ITPR2: variants seen among roughly 807,000 people sequenced by gnomAD.
The protein encoded by ITPR2 is inositol 1,4,5-trisphosphate-gated calcium channel ITPR2.
ITPR2 carries 207 observed loss-of-function variants against 317.1 expected under a neutral mutation model. That is an observed-to-expected ratio of 0.65 (90% CI 0.58 to 0.73). The LOEUF (loss-of-function observed/expected upper bound fraction) is 0.73, where lower values mean the gene tolerates loss of function less well. ITPR2 is among the 30% of genes least tolerant of loss of function. The pLI is 0.00. For synonymous variants in ITPR2, 1,156 were observed against 1,149.1 expected (o/e 1.01, Z -0.12); for missense variants, 2,613 against 3,284.0 (o/e 0.80, Z 4.99).
intron 13 of ITPR2, among the ~76,000 whole-genome samples, chr12:26,670,800 G>T (rs1425551173): frequency 6.6e-6 from 1 of 152,076 alleles, no homozygotes; most frequent in South Asian, 2.1e-4. Context: ...TAAAAACTTT[G>T]AAAAAAATTT....
At chr12:26,398,290 G>C (rs534115451) in intron 54 of ITPR2, among the ~76,000 whole-genome samples, 11 of 152,102 alleles carry the variant, frequency 7.2e-5, no homozygotes, top group Non-Finnish European at 1.2e-4. Context: ...AGGTGTGGTG[G>C]TACATGCCTG....
rs150831947 is a variant in ITPR2, at chr12:26,386,758, T to C, written c.7857+676A>G. Among the ~76,000 whole-genome samples, 96 of 152,330 alleles carry C rather than the reference T, an allele frequency of 6.3e-4. 2 individuals carry two copies. Among genetic ancestry groups the C allele is most frequent in the Middle Eastern group, 6.8e-3 (2 of 294 alleles). On this transcript the variant is annotated intron_variant, in intron 55 of 56. Transcript: ENST00000381340. ...GATGTAACGATACTCACTAAATGTG[T>C]ACACATATACACTGAAGTTGTAACT...
intron 2 of ITPR2, among the ~76,000 whole-genome samples, chr12:26,767,073 A>G (rs60925328): frequency 0.031 from 4,720 of 152,144 alleles, 257 homozygotes; most frequent in African/African-American, 0.11. Context: ...CCAGTCCCCC[A>G]GTCATTCCTT....
intron 37 of ITPR2, among the ~76,000 whole-genome samples, chr12:26,539,310 T>G (rs1321558421): frequency 3.9e-5 from 6 of 152,226 alleles, no homozygotes; most frequent in African/African-American, 1.2e-4. Flanking sequence ...ACTCTGCAGC[T>G]AGTTGCTCTC....
intron 55 of ITPR2, among the ~76,000 whole-genome samples, chr12:26,346,286 T>G (rs1565481997): frequency 6.6e-6 from 1 of 152,204 alleles, no homozygotes. Flanking sequence ...TGTAGAAACC[T>G]TGTAGTCATT....
rs114591650 is a variant in ITPR2 at position 26,520,383 on chromosome 12, T to C, written c.5074-25123A>G. The stretch of plus-strand genomic sequence containing the variant: ...TTCTCTGCTTCCTATGGGCTTCCTG[T>C]TGACTTCCTGTTTTTGCTTCCTGTT... On this transcript the variant is annotated intron_variant, in intron 37 of 56. Coordinates refer to ENST00000381340, the MANE Select transcript of ITPR2 (RefSeq NM_002223.4). Among the ~76,000 whole-genome samples the C allele has an allele frequency of 6.1e-3, 927 of 152,310 alleles. 13 individuals carry two copies. The highest frequency in any genetic ancestry group is 0.021 in the African/African-American group (883 of 41,580).
At chr12:26,760,152 A>T (rs1413296706) in intron 2 of ITPR2, among the ~76,000 whole-genome samples, 4 of 152,238 alleles carry the variant, frequency 2.6e-5, no homozygotes. Flanking sequence ...CTCAGGGTGC[A>T]GCAAATTCAA....
At position 26,724,746 on chromosome 12, in the gene ITPR2, T is replaced by C. The variant is rs1948891892; in HGVS notation, c.280-4A>G. Reference sequence around the variant, plus strand: ...TTTGTTCCAGTTCTGCAGCGTGCTATAAGATGATTATCAAATATTCAGTGT... The same window carrying C: ...TTTGTTCCAGTTCTGCAGCGTGCTACAAGATGATTATCAAATATTCAGTGT... On this transcript the variant is annotated splice_region_variant and splice_polypyrimidine_tract_variant and intron_variant, in intron 3 of 56. Transcript: ENST00000381340. 6.3e-7 allele frequency: 1 copy of C among 1,592,384 alleles called. No individual in the cohort carries two copies. The highest frequency in any genetic ancestry group is 8.6e-7 in the Non-Finnish European group (1 of 1,163,532).
chr12:26,542,661 T>C (rs966086390), intron 37 of ITPR2, among the ~76,000 whole-genome samples: 1 of 152,362 alleles, frequency 6.6e-6, no homozygotes, highest in East Asian at 1.9e-4. Flanking sequence ...ACCATAGCTA[T>C]TGCAGAGGCA....
At chr12:26,588,878 G>A (rs146378846) in intron 32 of ITPR2, among the ~76,000 whole-genome samples, 85 of 152,272 alleles carry the variant, frequency 5.6e-4, no homozygotes, top group Non-Finnish European at 1.0e-3. Flanking sequence ...TTAGAGTACT[G>A]TTGGTCCTTA....
intron 37 of ITPR2, among the ~76,000 whole-genome samples, chr12:26,543,393 AAGAG>A (rs757818715): frequency 6.7e-6 from 1 of 150,182 alleles, no homozygotes; most frequent in Admixed American, 6.6e-5. Context: ...GAGACAGGGG[AAGAG>A]AGAGAGAGAG....
rs752469504 is a variant in ITPR2, at chr12:26,483,815, A to G, written c.5895T>C (p.Ser1965=). 6.2e-7 allele frequency: 1 copy of G among 1,614,156 alleles called. No individual in the cohort carries two copies. The highest frequency in any genetic ancestry group is 1.1e-5 in the South Asian group (1 of 91,090). The change falls in exon 42 of 57, where the codon AGT becomes AGC. Residue 1965 remains serine (S), a synonymous_variant. Transcript: ENST00000381340. ...CCAACAGGCCCAGGCCACCGGTTGT[A>G]CTTCCACAAATGCAGTCCAGAAACT... The part of the protein sequence containing the change: ...TLQFLDCICG[S]TTGGLGLLGL...
chr12:26,441,945 G>T (rs1470348426), intron 46 of ITPR2, among the ~76,000 whole-genome samples: 1 of 151,848 alleles, frequency 6.6e-6, no homozygotes, highest in Non-Finnish European at 1.5e-5. Flanking sequence ...ACTATATAGA[G>T]ATCTATATGT....
At chr12:26,587,533 A>G (rs930077538) in intron 32 of ITPR2, among the ~76,000 whole-genome samples, 5 of 152,158 alleles carry the variant, frequency 3.3e-5, no homozygotes, top group Non-Finnish European at 7.4e-5. Flanking sequence ...ATACCTGAGG[A>G]GTAGCAAGGA....
chr12:26,707,093 C>T (rs1948564958), intron 9 of ITPR2, among the ~76,000 whole-genome samples: 1 of 152,132 alleles, frequency 6.6e-6, no homozygotes, highest in Non-Finnish European at 1.5e-5. Context: ...ATAATTAGCC[C>T]TCCCTGATTG....
At chr12:26,774,010 TAG>T (rs1245391166) in intron 2 of ITPR2, among the ~76,000 whole-genome samples, 10 of 112,060 alleles carry the variant, frequency 8.9e-5, no homozygotes, top group East Asian at 3.1e-4. Flanking sequence ...TTTTTTTTTT[TAG>T]TATAAAGCAT....
chr12:26,375,163 C>T (rs544972887), intron 55 of ITPR2, among the ~76,000 whole-genome samples: 103 of 152,286 alleles, frequency 6.8e-4, no homozygotes, highest in Non-Finnish European at 5.6e-4. Flanking sequence ...ACAATGTGGA[C>T]ATTATTATTC....
chr12:26,797,512 T>C (rs546297071), intron 1 of ITPR2, among the ~76,000 whole-genome samples: 2 of 152,318 alleles, frequency 1.3e-5, no homozygotes, highest in African/African-American at 4.8e-5. Flanking sequence ...CTGATTCATT[T>C]ACCACTAAGT....
At chr12:26,703,035 T>G (rs1326976764) in intron 9 of ITPR2, among the ~76,000 whole-genome samples, 3 of 152,192 alleles carry the variant, frequency 2.0e-5, no homozygotes, top group African/African-American at 7.2e-5. Flanking sequence ...CATAAATAAT[T>G]AGGCTTATTA....
Sources: allele counts gnomAD v4.1 joint callset (sites outside exome capture counted in the v4.1 genomes callset), GRCh38; gene constraint gnomAD v4.1.1; transcripts MANE v1.5; gene names NCBI Gene and HGNC (gene_info 2026-07-23, HGNC 2026-07-21).